Variants in CERS3 observed in about 807,000 individuals in gnomAD.
The protein encoded by CERS3 is LAG1 homolog, ceramide synthase 3.
In CERS3, 33 loss-of-function variants were observed where a neutral mutation model predicts 50.3. The ratio of observed to expected loss-of-function variants is 0.66; its 90% CI spans 0.50 to 0.88. The LOEUF (loss-of-function observed/expected upper bound fraction) is 0.88. Among genes scored for constraint, CERS3 ranks in the 40% least tolerant of loss-of-function variants. The pLI is 0.00. For missense variants in CERS3, 470 were observed against 460.3 expected, an observed-to-expected ratio of 1.02 and a Z score of -0.19; for synonymous variants, 176 against 155.2, an observed-to-expected ratio of 1.13 and a Z score of -0.99.
At chr15:100,471,776 G>A (rs2142243261) in intron 9 of CERS3, among the ~76,000 whole-genome samples, 1 of 152,282 alleles carries the variant, frequency 6.6e-6, no homozygotes, top group African/African-American at 2.4e-5. Flanking sequence ...ATTACATACA[G>A]GGTAGAAACA....
chr15:100,450,334 C>T (rs1195825808), intron 11 of CERS3, among the ~76,000 whole-genome samples: 1 of 146,844 alleles, frequency 6.8e-6, no homozygotes, highest in East Asian at 2.1e-4. Flanking sequence ...AGGGGAATTG[C>T]TTGAACTTGG....
intron 3 of CERS3, chr15:100,500,318 A>G (rs2035959084): frequency 6.6e-6 from 1 of 152,232 alleles, no homozygotes; most frequent in African/African-American, 2.4e-5. Context: ...CTTGAGAAGA[A>G]GCAACAATGG....
intron 11 of CERS3, among the ~76,000 whole-genome samples, chr15:100,406,074 C>G (rs1303226763): frequency 1.3e-5 from 2 of 152,162 alleles, no homozygotes; most frequent in African/African-American, 4.8e-5. Context: ...GCAGAGAAAT[C>G]TAGAAAAATA....
chr15:100,475,410 AGTTTATGAG>A (rs2142254225), intron 8 of CERS3, among the ~76,000 whole-genome samples: 2 of 152,338 alleles, frequency 1.3e-5, no homozygotes, highest in South Asian at 4.1e-4. Flanking sequence ...TTTACGGTGT[AGTTTATGAG>A]GTATATGCCA....
At chr15:100,441,565 T>G (rs934395879) in intron 11 of CERS3, among the ~76,000 whole-genome samples, 3 of 152,024 alleles carry the variant, frequency 2.0e-5, no homozygotes, top group Non-Finnish European at 4.4e-5. Flanking sequence ...TTCTTCTCCC[T>G]TAGCCTGTGT....
At chr15:100,429,829 T>G (rs1029544128) in intron 11 of CERS3, among the ~76,000 whole-genome samples, 2 of 152,080 alleles carry the variant, frequency 1.3e-5, no homozygotes, top group African/African-American at 2.4e-5. Flanking sequence ...ATCACTCAAT[T>G]AATACACAAA....
intron 11 of CERS3, among the ~76,000 whole-genome samples, chr15:100,410,183 G>GC (rs1353825318): frequency 6.6e-6 from 1 of 152,046 alleles, no homozygotes; most frequent in Non-Finnish European, 1.5e-5. Context: ...AGAAGTCTCT[G>GC]CCCCCAACGA....
chr15:100,483,522 A>G (rs2035379320), intron 5 of CERS3, among the ~76,000 whole-genome samples: 1 of 152,136 alleles, frequency 6.6e-6, no homozygotes, highest in Admixed American at 6.5e-5. Flanking sequence ...GCTTACTGAC[A>G]TGGCCAGATG....
chr15:100,519,692 T>C (rs1204455213), intron 2 of CERS3, among the ~76,000 whole-genome samples: 1 of 152,238 alleles, frequency 6.6e-6, no homozygotes, highest in Non-Finnish European at 1.5e-5. Context: ...ATGTTACTCA[T>C]CTGCCATCTT....
intron 2 of CERS3, among the ~76,000 whole-genome samples, chr15:100,504,239 C>CT (rs55640205): frequency 0.09 from 9,933 of 109,794 alleles, 692 homozygotes; most frequent in African/African-American, 0.19. Context: ...TTGGACTATT[C>CT]TTTTTTTTTT....
intron 1 of CERS3, among the ~76,000 whole-genome samples, chr15:100,534,686 C>A (rs563952401): frequency 8.0e-5 from 12 of 150,674 alleles, no homozygotes; most frequent in Non-Finnish European, 1.5e-4. Flanking sequence ...TTGCTTAGGG[C>A]AAACCCTAAG....
intron 11 of CERS3, among the ~76,000 whole-genome samples, chr15:100,415,281 TG>T (rs2031813075): frequency 6.6e-6 from 1 of 152,170 alleles, no homozygotes; most frequent in African/African-American, 2.4e-5. Context: ...CAATAAATCC[TG>T]GTGAGGCTGT....
chr15:100,527,510 C>T (rs2036829258), intron 1 of CERS3, among the ~76,000 whole-genome samples: 1 of 152,172 alleles, frequency 6.6e-6, no homozygotes, highest in Non-Finnish European at 1.5e-5. Context: ...ATCATAGCTT[C>T]AGGAATCCCT....
At chr15:100,481,360 C>G (rs961252770) in intron 5 of CERS3, among the ~76,000 whole-genome samples, 2 of 152,108 alleles carry the variant, frequency 1.3e-5, no homozygotes. Context: ...AAAGTTGAAC[C>G]ATAAAAATAT....
intron 11 of CERS3, among the ~76,000 whole-genome samples, chr15:100,432,560 AAAAACAGAG>A (rs1273327974): frequency 2.6e-5 from 4 of 152,226 alleles, no homozygotes; most frequent in South Asian, 4.1e-4. Flanking sequence ...GAATTTTCAG[AAAAACAGAG>A]AAAACAGACC....
In CERS3 at chr15:100,472,721, G is replaced by T. The variant is rs73472039; in HGVS notation, c.738+203C>A. Among the ~76,000 whole-genome samples the T allele has an allele frequency of 0.069, 10,493 of 152,194 alleles. 966 individuals are homozygous for T. The highest frequency in any genetic ancestry group is 0.21 in the African/African-American group (8,538 of 41,484). On this transcript the variant is annotated intron_variant, in intron 9 of 11. Transcript: ENST00000679737. ...AATCCCACAAATTAACATCTCTCTA[G>T]TACCATGGAGAAGGATTCAAAGTTA...
intron 11 of CERS3, among the ~76,000 whole-genome samples, chr15:100,413,988 G>C (rs2031699866): frequency 6.6e-6 from 1 of 152,116 alleles, no homozygotes; most frequent in Admixed American, 6.6e-5. Context: ...GGAACAGATG[G>C]ATTCACAGCC....
chr15:100,541,935 T>C (rs1226041709), intron 1 of CERS3, among the ~76,000 whole-genome samples: 1 of 152,216 alleles, frequency 6.6e-6, no homozygotes, highest in African/African-American at 2.4e-5. Context: ...CAAAATGGGA[T>C]ACTAGTCATT....
intron 11 of CERS3, among the ~76,000 whole-genome samples, chr15:100,412,693 A>G (rs2031582996): frequency 6.6e-6 from 1 of 152,184 alleles, no homozygotes; most frequent in South Asian, 2.1e-4. Context: ...AGAGCCAGAC[A>G]CAAAAGTTGC....
Sources: allele counts gnomAD v4.1 joint callset (sites outside exome capture counted in the v4.1 genomes callset), GRCh38; gene constraint gnomAD v4.1.1; transcripts MANE v1.5; gene names NCBI Gene and HGNC (gene_info 2026-07-23, HGNC 2026-07-21).